Variants in ENPP4 observed in about 807,000 individuals in gnomAD.
ENPP4 encodes ectonucleotide pyrophosphatase/phosphodiesterase 4.
A neutral mutation model predicts 33.4 loss-of-function variants in ENPP4; 18 were observed. That is an observed-to-expected ratio of 0.54 (90% CI 0.37 to 0.80). The LOEUF is 0.80. ENPP4 is among the 30% of genes least tolerant of loss of function. The pLI, the probability that ENPP4 is intolerant of heterozygous loss-of-function variation, is 0.00. For missense variants in ENPP4, 480 were observed against 541.7 expected (o/e 0.89, Z 1.13); for synonymous variants, 172 against 189.9 (o/e 0.91, Z 0.78).
At chr6:46,133,384 T>G (rs552333242) in intron 1 of ENPP4, among the ~76,000 whole-genome samples, 3 of 152,274 alleles carry the variant, frequency 2.0e-5, no homozygotes, top group Admixed American at 6.5e-5. Flanking sequence ...AGTCATAGAA[T>G]AAAGTTTTTA....
rs150729558 is a variant in ENPP4, at chr6:46,135,752, G to C, written c.-33-3799G>C. Among the ~76,000 whole-genome samples the C allele has an allele frequency of 3.0e-4, 45 of 152,056 alleles. No homozygotes were observed. The East Asian group carries it at 7.7e-3, about 26-fold the overall frequency. On this transcript the variant is annotated intron_variant, in intron 1 of 3. Coordinates refer to ENST00000321037, the MANE Select transcript of ENPP4 (RefSeq NM_014936.5). ...CTGTTGAACCCAGGGTTACAAAAAT[G>C]TACTCCCACATTTACTCCTACATTT...
rs997894640 is a variant in ENPP4, at chr6:46,143,844, A to G, written c.*204A>G. ...TAACGCTGACCATAGTAAAATTGTT[A>G]GTAAATCATTAGGTAACATCTTGTG... On this transcript the variant is annotated 3_prime_UTR_variant, in exon 4 of 4. Transcript: ENST00000321037. 6 of 496,018 alleles carry G rather than the reference A, an allele frequency of 1.2e-5. No individual in the cohort carries two copies. Among genetic ancestry groups the G allele is most frequent in the African/African-American group, 1.2e-4 (6 of 51,598 alleles). The allele number at this position is 496,018 out of a possible 1,614,324, so 30.7% of individuals were successfully genotyped here. A position where few individuals can be genotyped will look rare whatever the true frequency, so the allele number is the denominator to read the frequency against.
At position 46,143,343 on chromosome 6, in the gene ENPP4, A is replaced by G; in HGVS notation, c.1065A>G (p.Ala355=). The G allele has an allele frequency of 6.2e-7, 1 of 1,610,876 alleles. No individual in the cohort carries two copies. The highest frequency in any genetic ancestry group is 8.5e-7 in the Non-Finnish European group (1 of 1,177,616). Residue 355 remains alanine, a synonymous_variant, in exon 4 of 4, where the codon GCA becomes GCG. Transcript: ENST00000321037. ...CATTTCTAGCTGCCCACGGACCTGCATTTCACAAAGGCTACAAGCATAGCA... is the reference window on the plus strand; with the variant it reads ...CATTTCTAGCTGCCCACGGACCTGCGTTTCACAAAGGCTACAAGCATAGCA... The part of the protein sequence containing the change: ...MHPFLAAHGP[A]FHKGYKHSTI...
rs1312599808 is a variant in ENPP4 at position 46,130,496 on chromosome 6, A to G, written c.-34+307A>G. Among the ~76,000 whole-genome samples the G allele has an allele frequency of 2.6e-5, 4 of 152,288 alleles. No individual in the cohort carries two copies. In the East Asian group the frequency reaches 7.7e-4, roughly 29 times the overall value. ...AGCCGAACGGTAGTGGAGGAACCTA[A>G]GGTGGGTCTGGGGTAAAATTGAGGG... On this transcript the variant is annotated intron_variant, in intron 1 of 3. Coordinates refer to ENST00000321037, the MANE Select transcript of ENPP4 (RefSeq NM_014936.5).
At chr6:46,143,001 G>A (rs1385532815) in intron 3 of ENPP4, among the ~76,000 whole-genome samples, 2 of 151,596 alleles carry the variant, frequency 1.3e-5, no homozygotes, top group African/African-American at 4.8e-5. Context: ...TGAAGTAATT[G>A]GTACTCGGGC....
chr6:46,136,878 A>G (rs1763985247), intron 1 of ENPP4, among the ~76,000 whole-genome samples: 1 of 151,946 alleles, frequency 6.6e-6, no homozygotes, highest in Admixed American at 6.6e-5. Flanking sequence ...CTTGTTTCAA[A>G]TGCAGGTTTC....
chr6:46,143,171 T>G (rs1764093080), intron 3 of ENPP4, 105 bp from the exon 4 acceptor site: 1 of 1,139,010 alleles, frequency 8.8e-7, no homozygotes, highest in South Asian at 1.6e-5. Flanking sequence ...AAATTTTTAT[T>G]TCTAGTCCCT....
chr6:46,140,381 C>A lies in ENPP4; in HGVS notation c.798C>A (p.Ser266Arg). 1.3e-6 allele frequency: 2 copies of A among 1,585,658 alleles called. No individual in the cohort carries two copies. Among genetic ancestry groups the A allele is most frequent in the Non-Finnish European group, 8.6e-7 (1 of 1,169,292 alleles). Residue 266 changes from serine (S) to arginine (R), a missense_variant, in exon 2 of 4, where the codon AGC (serine) becomes AGA (arginine). This residue lies in a region of ENPP4 where 249 missense variants were observed against 251.8 expected (regional missense o/e 0.99). Coordinates refer to ENST00000321037, the MANE Select transcript of ENPP4 (RefSeq NM_014936.5). Reference protein sequence around the residue: ...DHSYYTLIDLSPVAAILPKIN... With the variant: ...DHSYYTLIDLRPVAAILPKIN... Reference sequence around the variant, plus strand: ...CATACTACACTCTTATAGATTTGAGCCCAGTTGCTGCAATACTTCCCAAAA... The same window carrying A: ...CATACTACACTCTTATAGATTTGAGACCAGTTGCTGCAATACTTCCCAAAA...
chr6:46,133,891 A>G (rs1763938575), intron 1 of ENPP4, among the ~76,000 whole-genome samples: 1 of 152,156 alleles, frequency 6.6e-6, no homozygotes, highest in African/African-American at 2.4e-5. Flanking sequence ...AGTTCTGTTA[A>G]TAGTTTGGAG....
At chr6:46,131,012 C>T (rs1345618525) in intron 1 of ENPP4, among the ~76,000 whole-genome samples, 2 of 152,134 alleles carry the variant, frequency 1.3e-5, no homozygotes, top group Non-Finnish European at 2.9e-5. Flanking sequence ...TCTTTTTTCC[C>T]CTCAGAGATT....
intron 1 of ENPP4, 28 bp downstream of exon 1, chr6:46,130,217 T>A (rs1581951696): frequency 1.4e-5 from 2 of 144,454 alleles, no homozygotes; most frequent in Non-Finnish European, 3.0e-5. Flanking sequence ...GCGCTCGGCG[T>A]TCTGGGGGGC....
chr6:46,143,205 A>T, intron 3 of ENPP4, 71 bp from the exon 4 acceptor site: 1 of 1,413,210 alleles, frequency 7.1e-7, no homozygotes. Flanking sequence ...GAATGTTTAT[A>T]TACTAGAAGC....
At chr6:46,139,378 A>AT (rs61381984) in intron 1 of ENPP4, among the ~76,000 whole-genome samples, 173 bp from the exon 2 acceptor site, 67,598 of 151,084 alleles carry the variant, frequency 0.45, 16,391 homozygotes, top group South Asian at 0.68. Context: ...GGACAAGACA[A>AT]TTTTTTTTCC....
intron 3 of ENPP4, among the ~76,000 whole-genome samples, chr6:46,142,392 A>AATATATATAATGTATATTATATATT (rs1317962517): frequency 1.8e-4 from 15 of 83,604 alleles, no homozygotes; most frequent in Admixed American, 8.2e-4. Context: ...TATTATATAT[A>AATATATATAATGTATATTATATATT]ATATATAATT....
rs148149279 is a variant in ENPP4, at chr6:46,140,032, A to G, written c.449A>G (p.Tyr150Cys). 1.6e-5 allele frequency: 26 copies of G among 1,612,704 alleles called. No individual in the cohort carries two copies. Among genetic ancestry groups the G allele is most frequent in the Non-Finnish European group, 2.0e-5 (23 of 1,179,042 alleles). The change falls in exon 2 of 4, where the codon TAT becomes TGT. Residue 150 changes from tyrosine to cysteine, a missense_variant. Physicochemically the swap from Tyr to Cys is radical, Grantham distance 194. Transcript: ENST00000321037. ...CCCATTCACGATACCATCTCTTCCT[A>G]TTTTATGAATTACAACTCCTCAGTG... ...DVPIHDTISS[Y>C]FMNYNSSVSF...
chr6:46,137,327 A>T (rs1763992237), intron 1 of ENPP4, among the ~76,000 whole-genome samples: 1 of 151,872 alleles, frequency 6.6e-6, no homozygotes, highest in Non-Finnish European at 1.5e-5. Context: ...TTGCTGATTT[A>T]AAAGTCTACT....
In ENPP4 at chr6:46,140,371, T is replaced by C. The variant is rs370794447; in HGVS notation, c.788T>C (p.Ile263Thr). ...ATCGATCATTCATACTACACTCTTA[T>C]AGATTTGAGCCCAGTTGCTGCAATA... The part of the protein sequence containing the change: ...SCIDHSYYTL[I>T]DLSPVAAILP... Residue 263 changes from isoleucine (I) to threonine (T), a missense_variant, in exon 2 of 4, where the codon ATA becomes ACA. By Grantham distance (89) the Ile-to-Thr change is moderately conservative (BLOSUM62 -1). This residue lies in a region of ENPP4 where 249 missense variants were observed against 251.8 expected (regional missense o/e 0.99). Transcript: ENST00000321037. 1.2e-4 allele frequency: 185 copies of C among 1,596,990 alleles called. No homozygotes were observed. Among genetic ancestry groups the C allele is most frequent in the Non-Finnish European group, 1.4e-4 (166 of 1,174,132 alleles).
intron 1 of ENPP4, 34 bp downstream of exon 1, chr6:46,130,223 G>T (rs983290608): frequency 1.3e-5 from 2 of 152,350 alleles, no homozygotes; most frequent in African/African-American, 2.4e-5. Context: ...GGCGTTCTGG[G>T]GGGCAATGTC....
At chr6:46,133,338 A>G (rs913433786) in intron 1 of ENPP4, among the ~76,000 whole-genome samples, 1 of 152,208 alleles carries the variant, frequency 6.6e-6, no homozygotes, top group African/African-American at 2.4e-5. Flanking sequence ...ATAAGAAAGC[A>G]ACTGATAATA....
Sources: gnomAD v4.1 joint callset for allele counts (sites outside exome capture counted in the v4.1 genomes callset) on GRCh38, gnomAD v4.1.1 for gene constraint, gnomAD v4.1.1 regional missense constraint, MANE v1.5 for transcripts, NCBI Gene and HGNC (gene_info 2026-07-23, HGNC 2026-07-21) for gene names.